The following PCDH15 variants were observed in gnomAD, a reference collection of about 807,000 sequenced individuals.
PCDH15 encodes the protein protocadherin related 15.
Under a neutral mutation model 178.5 loss-of-function variants are expected in PCDH15, and 129 were observed. The ratio of observed to expected loss-of-function variants is 0.72; its 90% CI spans 0.63 to 0.84. PCDH15 has a LOEUF of 0.84. Among genes scored for constraint, PCDH15 ranks in the 40% least tolerant of loss-of-function variants. PCDH15 has a pLI of 0.00. For synonymous variants in PCDH15, 800 were observed against 732.0 expected, an observed-to-expected ratio of 1.09 and a Z score of -1.50; for missense variants, 2,230 against 2,099.9, an observed-to-expected ratio of 1.06 and a Z score of -1.21.
intron 26 of PCDH15, among the ~76,000 whole-genome samples, chr10:53,893,290 G>C (rs557181718): frequency 2.6e-5 from 4 of 152,064 alleles, no homozygotes; most frequent in Non-Finnish European, 5.9e-5. Flanking sequence ...TTTCTAATTT[G>C]GCAAGAAGTG....
At chr10:54,743,273 A>G (rs1045234385) in intron 1 of PCDH15, among the ~76,000 whole-genome samples, 4 of 152,086 alleles carry the variant, frequency 2.6e-5, no homozygotes, top group Non-Finnish European at 5.9e-5. Flanking sequence ...ATTTGAGGAA[A>G]GTGTGACTTC....
intron 18 of PCDH15, among the ~76,000 whole-genome samples, chr10:54,052,302 A>G (rs1432428478): frequency 6.6e-6 from 1 of 152,190 alleles, no homozygotes. Context: ...ATGGCAGCCC[A>G]TGAAAGCAGT....
chr10:55,224,464 C>G (rs982024879), intron 1 of PCDH15, among the ~76,000 whole-genome samples: 10 of 151,994 alleles, frequency 6.6e-5, no homozygotes, highest in African/African-American at 2.2e-4. Context: ...TTCTGCTCAG[C>G]CACAATGTGA....
chr10:54,804,636 T>C (rs2133720849), upstream of PCDH15, among the ~76,000 whole-genome samples: 1 of 152,136 alleles, frequency 6.6e-6, no homozygotes, highest in Non-Finnish European at 1.5e-5. Flanking sequence ...CTGTGTTTTA[T>C]TCTAAATCTT....
At chr10:55,178,492 TAGGAA>T (rs1839555298) in intron 1 of PCDH15, among the ~76,000 whole-genome samples, 1 of 152,088 alleles carries the variant, frequency 6.6e-6, no homozygotes, top group African/African-American at 2.4e-5. Flanking sequence ...GCCTTCCACC[TAGGAA>T]AGGATTAAAC....
At chr10:54,146,025 T>C (rs1284215209) in intron 14 of PCDH15, among the ~76,000 whole-genome samples, 1 of 152,036 alleles carries the variant, frequency 6.6e-6, no homozygotes, top group African/African-American at 2.4e-5. Flanking sequence ...CTGAATCCCA[T>C]GTGGGCAGAG....
At chr10:54,434,259 A>C (rs1421068646) in intron 3 of PCDH15, among the ~76,000 whole-genome samples, 1 of 152,136 alleles carries the variant, frequency 6.6e-6, no homozygotes, top group Non-Finnish European at 1.5e-5. Context: ...AAAATTAATA[A>C]ATTTATTGTG....
At position 55,235,082 on chromosome 10, in the gene PCDH15, G is replaced by T. The variant is rs142983803; in HGVS notation, c.-155-68431C>A. 1.3e-3 allele frequency among the ~76,000 whole-genome samples: 157 copies of T among 122,634 alleles called. 2 individuals carry two copies. The highest frequency in any genetic ancestry group is 4.5e-3 in the African/African-American group (153 of 33,760). The allele number at this position is 122,634 out of a possible 152,430, so 80.5% of individuals were successfully genotyped here. A position where few individuals can be genotyped will look rare whatever the true frequency, so the allele number is the denominator to read the frequency against. On this transcript the variant is annotated intron_variant, in intron 1 of 5. Coordinates refer to the PCDH15 transcript ENST00000458638. ...ACGAAATCCAGTTTTAAGTCGGAAA[G>T]AAGTGAAAAAATAAGGAGTTTGGCA...
At chr10:54,743,836 A>G (rs1945129127) in intron 1 of PCDH15, among the ~76,000 whole-genome samples, 1 of 152,058 alleles carries the variant, frequency 6.6e-6, no homozygotes, top group African/African-American at 2.4e-5. Context: ...AAGAAAGTAA[A>G]AAGAAACCAC....
intron 2 of PCDH15, among the ~76,000 whole-genome samples, chr10:54,571,940 T>C (rs1415475165): frequency 6.6e-6 from 1 of 152,094 alleles, no homozygotes; most frequent in Non-Finnish European, 1.5e-5. Context: ...TGAAGAACAG[T>C]GGTTAATGAC....
In PCDH15 at chr10:54,023,011, G is replaced by T; in HGVS notation, c.2407C>A (p.Leu803Ile). The T allele has an allele frequency of 6.2e-7, 1 of 1,613,962 alleles. No individual in the cohort carries two copies. The highest frequency in any genetic ancestry group is 8.5e-7 in the Non-Finnish European group (1 of 1,179,890). ...TCCAAAACCTTGATGGCCAAGGTTAGAGTTGAATGACGAGGGTGTACTGCT... is the reference window on the plus strand; with the variant it reads ...TCCAAAACCTTGATGGCCAAGGTTATAGTTGAATGACGAGGGTGTACTGCT... ...DGAVHPRHST[L>I]TLAIKVLDID... The change falls in exon 19 of 38, where the codon CTA becomes ATA. Residue 803 changes from leucine (L) to isoleucine (I), a missense_variant. Transcript: ENST00000644397.
chr10:55,552,315 A>G (rs1048067061), intron 2 of PCDH15, among the ~76,000 whole-genome samples: 2 of 151,594 alleles, frequency 1.3e-5, no homozygotes, highest in African/African-American at 4.8e-5. Flanking sequence ...TATTATTGTG[A>G]ACAGATTTTC....
intron 1 of PCDH15, among the ~76,000 whole-genome samples, chr10:55,316,266 A>C (rs1020980693): frequency 6.6e-6 from 1 of 152,152 alleles, no homozygotes; most frequent in African/African-American, 2.4e-5. Flanking sequence ...ATTACCTGTC[A>C]GGGAAACTTA....
intron 2 of PCDH15, among the ~76,000 whole-genome samples, chr10:54,898,125 G>T (rs769836676): frequency 2.6e-5 from 4 of 151,970 alleles, no homozygotes; most frequent in Non-Finnish European, 5.9e-5. Flanking sequence ...AGTGTGTGAG[G>T]CCTCCTCAGA....
At chr10:54,787,820 G>A (rs1007673122) in intron 1 of PCDH15, among the ~76,000 whole-genome samples, 1 of 152,098 alleles carries the variant, frequency 6.6e-6, no homozygotes, top group Non-Finnish European at 1.5e-5. Flanking sequence ...AGCGAAGCTT[G>A]TAGCAAGCCA....
At chr10:55,447,550 T>A (rs1839344575) in intron 2 of PCDH15, among the ~76,000 whole-genome samples, 1 of 151,884 alleles carries the variant, frequency 6.6e-6, no homozygotes, top group South Asian at 2.1e-4. Flanking sequence ...TAGAATCAAA[T>A]AGGCGGAAAC....
Position 55,334,221 on chromosome 10 carries a change from C to CATATATATATATATATATATATAT in PCDH15, c.-155-167571_-155-167570insATATATATATATATATATATATAT, listed in dbSNP as rs34468887. Among the ~76,000 whole-genome samples the CATATATATATATATATATATATAT allele has an allele frequency of 4.0e-4, 25 of 62,828 alleles. 1 individual carries two copies. Among genetic ancestry groups the CATATATATATATATATATATATAT allele is most frequent in the Admixed American group, 9.6e-4 (5 of 5,230 alleles). The allele number at this position is 62,828 out of a possible 152,430, so 41.2% of individuals were successfully genotyped here. A position where few individuals can be genotyped will look rare whatever the true frequency, so the allele number is the denominator to read the frequency against. ...TCTGATGTTCATAACTAGGGTGCTCCATATATATATATATATATATATGTG... is the reference window on the plus strand; with the variant it reads ...TCTGATGTTCATAACTAGGGTGCTCCATATATATATATATATATATATATATATATATATATATATATATATGTG... On this transcript the variant is annotated intron_variant, in intron 2 of 5. Transcript: ENST00000613346.
chr10:55,031,554 T>C (rs924110930), intron 2 of PCDH15, among the ~76,000 whole-genome samples: 3 of 152,190 alleles, frequency 2.0e-5, no homozygotes, highest in Non-Finnish European at 2.9e-5. Flanking sequence ...ACTGTAGGGC[T>C]TGGTGTCAGA....
chr10:54,907,635 G>A (rs1954748029), intron 2 of PCDH15, among the ~76,000 whole-genome samples: 1 of 151,974 alleles, frequency 6.6e-6, no homozygotes, highest in Non-Finnish European at 1.5e-5. Context: ...TAAATACAAT[G>A]TTCTCCAAAA....
Sources: gnomAD v4.1 joint callset for allele counts (sites outside exome capture counted in the v4.1 genomes callset) on GRCh38, gnomAD v4.1.1 for gene constraint, MANE v1.5 for transcripts, NCBI Gene and HGNC (gene_info 2026-07-23, HGNC 2026-07-21) for gene names.